Variants in PCDHA10 observed in about 807,000 individuals in gnomAD.
The protein encoded by PCDHA10 is protocadherin alpha-10.
PCDHA10 carries 45 observed loss-of-function variants against 61.2 expected under a neutral mutation model. The ratio of observed to expected loss-of-function variants is 0.74; its 90% CI spans 0.58 to 0.94. PCDHA10 has a LOEUF of 0.94. Ranked by LOEUF, PCDHA10 falls within the 40% of genes least tolerant of loss-of-function variation. The pLI, the probability that PCDHA10 is intolerant of heterozygous loss-of-function variation, is 0.00. For missense variants in PCDHA10, 1,278 were observed against 1,236.2 expected (o/e 1.03, Z -0.51); for synonymous variants, 602 against 548.8 (o/e 1.10, Z -1.35).
Position 140,870,808 on chromosome 5 carries a change from G to A in PCDHA10, c.2388+12372G>A, listed in dbSNP as rs368477795. 1.9e-5 allele frequency: 30 copies of A among 1,613,692 alleles called. No individual in the cohort carries two copies. The highest frequency in any genetic ancestry group is 3.3e-5 in the South Asian group (3 of 91,076). On this transcript the variant is annotated intron_variant, in intron 1 of 3. Coordinates refer to ENST00000307360, the MANE Select transcript of PCDHA10 (RefSeq NM_018901.4). ...CGCGCCGGCACTGCTGGCGACTCAGGCTGGCAGCGCGGGAGGCGCAGTTAA... is the reference window on the plus strand; with the variant it reads ...CGCGCCGGCACTGCTGGCGACTCAGACTGGCAGCGCGGGAGGCGCAGTTAA...
chr5:140,856,559 C>G lies in PCDHA10; in HGVS notation c.511C>G (p.Leu171Val), dbSNP rs782226001. The change falls in exon 1 of 4, where the codon CTC (leucine) becomes GTC (valine). Residue 171 changes from leucine (L) to valine (V), a missense_variant. Leu to Val is a conservative substitution (Grantham distance 32, BLOSUM62 1). Coordinates refer to ENST00000307360, the MANE Select transcript of PCDHA10 (RefSeq NM_018901.4). ...AGAGAACGCATTGCTTACTTACAAACTCAGTCCAAATGAGTATTTTGTTCT... is the reference window on the plus strand; with the variant it reads ...AGAGAACGCATTGCTTACTTACAAAGTCAGTCCAAATGAGTATTTTGTTCT... Reference protein sequence around the residue: ...VGENALLTYKLSPNEYFVLDI... With the variant: ...VGENALLTYKVSPNEYFVLDI... 6 of 1,597,988 alleles carry G rather than the reference C, an allele frequency of 3.8e-6. No homozygotes were observed. In the Middle Eastern group the frequency reaches 5.0e-4, roughly 133 times the overall value.
intron 1 of PCDHA10, chr5:140,868,367 A>G (rs1172492575): frequency 6.6e-6 from 1 of 152,208 alleles, no homozygotes; most frequent in East Asian, 1.9e-4. Flanking sequence ...AAATGTAAAT[A>G]ACAGTAAAGA....
intron 3 of PCDHA10, among the ~76,000 whole-genome samples, chr5:141,000,361 G>GTCTCTC (rs148596731): frequency 3.0e-3 from 79 of 26,442 alleles, no homozygotes; most frequent in East Asian, 6.3e-3. Flanking sequence ...GTCTCTCTCT[G>GTCTCTC]TCTCTCTCTC....
Position 140,993,462 on chromosome 5 carries a change from T to A in PCDHA10, c.2536+10899T>A, listed in dbSNP as rs540334246. Among the ~76,000 whole-genome samples, 1,220 of 141,042 alleles carry A rather than the reference T, an allele frequency of 8.6e-3. 14 individuals carry two copies. The highest frequency in any genetic ancestry group is 0.02 in the African/African-American group (760 of 37,958). 92.5% of individuals were successfully genotyped at this position (141,042 alleles called of 152,430 possible). A position where few individuals can be genotyped will look rare whatever the true frequency, so the allele number is the denominator to read the frequency against. On this transcript the variant is annotated intron_variant, in intron 3 of 3. Coordinates refer to ENST00000307360, the MANE Select transcript of PCDHA10 (RefSeq NM_018901.4). ...CATTCCTGTTCTCCTTCTTTCTTTC[T>A]CACACACACACACACACACACACAC...
intron 1 of PCDHA10, among the ~76,000 whole-genome samples, chr5:140,906,844 G>C (rs1295549477): frequency 6.6e-6 from 1 of 152,192 alleles, no homozygotes; most frequent in Non-Finnish European, 1.5e-5. Context: ...TTCATCTTGA[G>C]AGTCTGGGTC....
At chr5:140,869,775 C>A (rs2051402857) in intron 1 of PCDHA10, 5 of 1,612,980 alleles carry the variant, frequency 3.1e-6, no homozygotes, top group Non-Finnish European at 4.2e-6. Flanking sequence ...AGCTTACTGG[C>A]ACCGTTCGGC....
chr5:140,886,097 A>G (rs1341108712), intron 1 of PCDHA10, among the ~76,000 whole-genome samples: 1 of 152,214 alleles, frequency 6.6e-6, no homozygotes, highest in Non-Finnish European at 1.5e-5. Context: ...ATTGACATTG[A>G]TACAGTAAAG....
At chr5:140,883,763 G>T (rs782611304) in intron 1 of PCDHA10, 4 of 1,612,740 alleles carry the variant, frequency 2.5e-6, no homozygotes, top group Non-Finnish European at 3.4e-6. Flanking sequence ...GGAGCGGCGG[G>T]TGGGCGAGCG....
chr5:140,984,659 C>G (rs560265457), intron 3 of PCDHA10, among the ~76,000 whole-genome samples: 4 of 152,246 alleles, frequency 2.6e-5, no homozygotes, highest in African/African-American at 9.6e-5. Flanking sequence ...CCTTCTGGTA[C>G]TTTTAGGTTT....
chr5:140,918,901 CTT>C (rs1386679785), intron 1 of PCDHA10, among the ~76,000 whole-genome samples: 6 of 152,198 alleles, frequency 3.9e-5, no homozygotes, highest in African/African-American at 1.4e-4. Flanking sequence ...ATAAATCTCT[CTT>C]GTTTATTAAC....
intron 1 of PCDHA10, among the ~76,000 whole-genome samples, chr5:140,952,473 A>C (rs1262702527): frequency 6.6e-6 from 1 of 152,210 alleles, no homozygotes; most frequent in Non-Finnish European, 1.5e-5. Flanking sequence ...GCATAAGGAA[A>C]GTGACATTTG....
chr5:140,881,179 C>A (rs550594918), intron 1 of PCDHA10, among the ~76,000 whole-genome samples: 4 of 152,240 alleles, frequency 2.6e-5, no homozygotes, highest in African/African-American at 7.2e-5. Flanking sequence ...CTTTTCCTTG[C>A]TAAAGATATG....
intron 1 of PCDHA10, among the ~76,000 whole-genome samples, chr5:140,901,191 C>A (rs2153472732): frequency 6.6e-6 from 1 of 152,084 alleles, no homozygotes; most frequent in Non-Finnish European, 1.5e-5. Context: ...GTTTGCTTTT[C>A]TGTGCAGAAG....
chr5:140,911,724 C>T (rs1255448143), intron 1 of PCDHA10, among the ~76,000 whole-genome samples: 1 of 151,192 alleles, frequency 6.6e-6, no homozygotes, highest in Non-Finnish European at 1.5e-5. Context: ...ACTCTGTAAA[C>T]AGTTCGTGCC....
chr5:140,902,413 C>T (rs2069433988), intron 1 of PCDHA10, among the ~76,000 whole-genome samples: 1 of 152,014 alleles, frequency 6.6e-6, no homozygotes, highest in African/African-American at 2.4e-5. Context: ...TGTTGAATAA[C>T]AGTGGTGAAA....
intron 1 of PCDHA10, chr5:140,967,457 G>A: frequency 6.2e-7 from 1 of 1,613,614 alleles, no homozygotes; most frequent in Non-Finnish European, 8.5e-7. Context: ...CACAGCCGTG[G>A]ATGGGGGCAT....
chr5:140,967,057 AGC>A, intron 1 of PCDHA10: 1 of 1,612,704 alleles, frequency 6.2e-7, no homozygotes, highest in Non-Finnish European at 8.5e-7. Context: ...TGACGAGTGG[AGC>A]GCTCTTCGTC....
At chr5:140,872,207 T>C (rs1372716316) in intron 1 of PCDHA10, among the ~76,000 whole-genome samples, 1 of 152,224 alleles carries the variant, frequency 6.6e-6, no homozygotes, top group African/African-American at 2.4e-5. Flanking sequence ...ATAAATTCAT[T>C]ATATATGAAA....
At chr5:140,859,726 A>G (rs929910976) in intron 1 of PCDHA10, 1 of 154,384 alleles carries the variant, frequency 6.5e-6, no homozygotes, top group Admixed American at 6.4e-5. Context: ...AAATTGTGGC[A>G]AGAATTTAAG....
Sources: allele counts gnomAD v4.1 joint callset (sites outside exome capture counted in the v4.1 genomes callset), GRCh38; gene constraint gnomAD v4.1.1; transcripts MANE v1.5; gene names NCBI Gene and HGNC (gene_info 2026-07-23, HGNC 2026-07-21).